The following ACER3 variants were observed in gnomAD, a reference collection of about 807,000 sequenced individuals.
ACER3 encodes alkaline ceramidase 3.
Under a neutral mutation model 48.9 loss-of-function variants are expected in ACER3, and 16 were observed. The observed-to-expected ratio is 0.33, with a 90% CI of 0.22 to 0.50. The LOEUF (loss-of-function observed/expected upper bound fraction) is 0.50, where lower values mean the gene tolerates loss of function less well. ACER3 is among the 20% of genes least tolerant of loss of function. The probability of loss-of-function intolerance (pLI) is 0.98; values close to 1 mark genes in which losing one functional copy is unlikely to be tolerated. For missense variants in ACER3, 227 were observed against 326.0 expected (o/e 0.70, Z 2.34); for synonymous variants, 109 against 107.8 (o/e 1.01, Z -0.07).
chr11:76,954,517 CA>C (rs1167544000), intron 2 of ACER3, among the ~76,000 whole-genome samples: 18 of 151,928 alleles, frequency 1.2e-4, no homozygotes, highest in African/African-American at 4.4e-4. Flanking sequence ...GAGGTAATAA[CA>C]TTATTCTTTG....
intron 3 of ACER3, among the ~76,000 whole-genome samples, chr11:76,960,670 C>G (rs1947965850): frequency 6.6e-6 from 1 of 152,066 alleles, no homozygotes; most frequent in Non-Finnish European, 1.5e-5. Flanking sequence ...ACTCTGGGAC[C>G]TCAGCCAGTT....
chr11:76,941,466 G>A (rs908903007), intron 2 of ACER3, among the ~76,000 whole-genome samples: 13 of 151,994 alleles, frequency 8.6e-5, no homozygotes, highest in African/African-American at 2.9e-4. Context: ...AAATTAATTA[G>A]ATAATTTTAA....
chr11:76,878,347 C>T (rs1945437548), intron 1 of ACER3, among the ~76,000 whole-genome samples: 2 of 152,016 alleles, frequency 1.3e-5, no homozygotes, highest in African/African-American at 2.4e-5. Context: ...GGTCTCATGA[C>T]CCCTTTACAC....
intron 2 of ACER3, among the ~76,000 whole-genome samples, chr11:76,936,721 C>G (rs1268973337): frequency 7.0e-6 from 1 of 143,316 alleles, no homozygotes; most frequent in African/African-American, 2.6e-5. Context: ...TTCTTTCTTT[C>G]TTTTTTTTTT....
intron 1 of ACER3, among the ~76,000 whole-genome samples, chr11:76,911,497 C>T (rs928438296): frequency 2.0e-5 from 3 of 152,138 alleles, no homozygotes; most frequent in Admixed American, 2.0e-4. Flanking sequence ...AAAATCCCAT[C>T]CTGCTGACCT....
intron 1 of ACER3, among the ~76,000 whole-genome samples, chr11:76,905,906 A>G (rs764694249): frequency 7.9e-5 from 12 of 152,246 alleles, no homozygotes; most frequent in Admixed American, 2.6e-4. Context: ...AAAATGAATT[A>G]TAGTGATACA....
chr11:76,912,845 G>A (rs1946419735), intron 1 of ACER3, among the ~76,000 whole-genome samples: 1 of 152,210 alleles, frequency 6.6e-6, no homozygotes, highest in Admixed American at 6.5e-5. Flanking sequence ...CAAGTTACTG[G>A]CAGTGAATCC....
rs566396861 is a variant in ACER3, at chr11:77,024,993, T to C, written c.*4666T>C. 2.0e-5 allele frequency: 3 copies of C among 152,330 alleles called. No individual in the cohort carries two copies. In the East Asian group the frequency reaches 5.8e-4, roughly 29 times the overall value. The allele number at this position is 152,330 out of a possible 1,614,324, so 9.4% of individuals were successfully genotyped here. ...TCACTGCTCTGCATACAGTTCCTTTTCAACCCTTACAAGACCTGCTTCATT... is the reference window on the plus strand; with the variant it reads ...TCACTGCTCTGCATACAGTTCCTTTCCAACCCTTACAAGACCTGCTTCATT... On this transcript the variant is annotated 3_prime_UTR_variant, in exon 11 of 11. Coordinates refer to ENST00000532485, the MANE Select transcript of ACER3 (RefSeq NM_018367.7).
chr11:76,883,149 C>T (rs1945573494), intron 1 of ACER3, among the ~76,000 whole-genome samples: 1 of 152,172 alleles, frequency 6.6e-6, no homozygotes, highest in Admixed American at 6.5e-5. Flanking sequence ...AATGTGTACC[C>T]TGCATTAGAA....
chr11:76,945,616 GT>G (rs1947452435), intron 2 of ACER3, among the ~76,000 whole-genome samples: 1 of 152,282 alleles, frequency 6.6e-6, no homozygotes, highest in Admixed American at 6.5e-5. Flanking sequence ...CTGTGTGTCA[GT>G]TTTTAGTCTC....
intron 3 of ACER3, among the ~76,000 whole-genome samples, chr11:76,962,564 C>CATGG (rs1185036968): frequency 1.3e-5 from 2 of 151,418 alleles, no homozygotes; most frequent in Non-Finnish European, 2.9e-5. Flanking sequence ...TATTAGTGAC[C>CATGG]ATGGCATGGT....
At chr11:76,952,754 C>T (rs1947719067) in intron 2 of ACER3, among the ~76,000 whole-genome samples, 1 of 151,096 alleles carries the variant, frequency 6.6e-6, no homozygotes, top group African/African-American at 2.4e-5. Context: ...GTAACCTCCG[C>T]CTCCCAGGTT....
rs1215432890 is a variant in ACER3, at chr11:77,021,153, C to A, written c.*826C>A. 19 of 152,184 alleles carry A rather than the reference C, an allele frequency of 1.2e-4. No homozygotes were observed. Among genetic ancestry groups the A allele is most frequent in the African/African-American group, 4.3e-4 (18 of 41,452 alleles). 9.4% of individuals were successfully genotyped at this position (152,184 alleles called of 1,614,324 possible). On this transcript the variant is annotated 3_prime_UTR_variant, in exon 11 of 11. Transcript: ENST00000532485. The stretch of plus-strand genomic sequence containing the variant: ...AAATATGACTGGTGGTCTAGACTAC[C>A]CATAGTTCATCCTCCTCACATAACT...
At chr11:76,961,320 A>G (rs1350961331) in intron 3 of ACER3, among the ~76,000 whole-genome samples, 1 of 152,168 alleles carries the variant, frequency 6.6e-6, no homozygotes, top group Non-Finnish European at 1.5e-5. Flanking sequence ...TAATAGACAT[A>G]AATATAGATG....
At chr11:76,891,860 G>T (rs752244572) in intron 1 of ACER3, among the ~76,000 whole-genome samples, 12 of 152,138 alleles carry the variant, frequency 7.9e-5, no homozygotes, top group Non-Finnish European at 1.6e-4. Flanking sequence ...AAAGCACATC[G>T]AGTGTTGTTT....
chr11:76,993,229 A>C (rs2135237167), intron 6 of ACER3, among the ~76,000 whole-genome samples: 1 of 152,268 alleles, frequency 6.6e-6, no homozygotes, highest in East Asian at 1.9e-4. Flanking sequence ...ACTAGGCACA[A>C]GAGATACATA....
At chr11:76,888,159 C>A (rs1472267004) in intron 1 of ACER3, among the ~76,000 whole-genome samples, 1 of 152,118 alleles carries the variant, frequency 6.6e-6, no homozygotes, top group Non-Finnish European at 1.5e-5. Flanking sequence ...GTATGGTAAG[C>A]ATGCTGTATA....
At chr11:76,976,411 TA>T (rs1948444980) in intron 4 of ACER3, 70 bp downstream of exon 4, 1 of 826,516 alleles carries the variant, frequency 1.2e-6, no homozygotes, top group East Asian at 2.8e-5. Context: ...TGGATTAATA[TA>T]ACTGATACAT....
At chr11:76,951,232 C>T (rs1947659488) in intron 2 of ACER3, among the ~76,000 whole-genome samples, 2 of 152,360 alleles carry the variant, frequency 1.3e-5, no homozygotes, top group South Asian at 2.1e-4. Context: ...ATAAATTATA[C>T]AGCAATTGCT....
Sources: allele counts gnomAD v4.1 joint callset (sites outside exome capture counted in the v4.1 genomes callset), GRCh38; gene constraint gnomAD v4.1.1; transcripts MANE v1.5; gene names NCBI Gene and HGNC (gene_info 2026-07-23, HGNC 2026-07-21).